Variants in PAPPA2 observed in about 807,000 individuals in gnomAD.
PAPPA2 encodes the protein pappalysin 2, also known as pappalysin-2.
A neutral mutation model predicts 176.4 loss-of-function variants in PAPPA2; 86 were observed. The ratio of observed to expected loss-of-function variants is 0.49; its 90% CI spans 0.41 to 0.58. PAPPA2 has a LOEUF of 0.58. Ranked by LOEUF, PAPPA2 falls within the 20% of genes least tolerant of loss-of-function variation. The pLI is 0.00. For missense variants in PAPPA2, 2,073 were observed against 2,256.9 expected (o/e 0.92, Z 1.65); for synonymous variants, 809 against 852.2 (o/e 0.95, Z 0.88).
chr1:176,517,351 G>A (rs1648973113), intron 1 of PAPPA2, among the ~76,000 whole-genome samples: 1 of 152,156 alleles, frequency 6.6e-6, no homozygotes, highest in Admixed American at 6.6e-5. Flanking sequence ...AAATGCACAG[G>A]CCTGCAGGCA....
intron 12 of PAPPA2, among the ~76,000 whole-genome samples, chr1:176,724,634 T>G (rs1322364335): frequency 1.3e-5 from 2 of 152,172 alleles, no homozygotes; most frequent in Admixed American, 1.3e-4. Context: ...CCTTGCTACA[T>G]AAAGCCCAAA....
chr1:176,724,149 A>G (rs1558543644), intron 12 of PAPPA2, among the ~76,000 whole-genome samples: 2 of 152,248 alleles, frequency 1.3e-5, no homozygotes, highest in South Asian at 2.1e-4. Context: ...CTGGTGACAG[A>G]CAGAAACATA....
intron 2 of PAPPA2, among the ~76,000 whole-genome samples, chr1:176,583,986 T>G (rs751694469): frequency 4.4e-4 from 67 of 152,132 alleles, no homozygotes; most frequent in Admixed American, 1.3e-4. Flanking sequence ...ACCCAGGGAG[T>G]TGAGGCTGTA....
At chr1:176,583,899 T>G (rs10913207) in intron 2 of PAPPA2, among the ~76,000 whole-genome samples, 21,506 of 152,078 alleles carry the variant, frequency 0.14, 1,578 homozygotes, top group Middle Eastern at 0.2. Flanking sequence ...CACTAAAAAT[T>G]AAAAAATTAG....
At chr1:176,491,173 C>T (rs2102493538) in intron 1 of PAPPA2, among the ~76,000 whole-genome samples, 1 of 152,350 alleles carries the variant, frequency 6.6e-6, no homozygotes, top group African/African-American at 2.4e-5. Context: ...GTGCCAGGCA[C>T]TATGGAAAGG....
rs1164649882 is a variant in PAPPA2, at chr1:176,844,381, A to G, written c.*1927A>G. The G allele has an allele frequency of 6.6e-6, 1 of 152,172 alleles. No individual in the cohort carries two copies. The highest frequency in any genetic ancestry group is 2.4e-5 in the African/African-American group (1 of 41,460). 9.4% of individuals were successfully genotyped at this position (152,172 alleles called of 1,614,324 possible). ...ATATTATCCACACTATCACGTAGGG[A>G]AGAACAATATCCTGAAAGAGAATAA... On this transcript the variant is annotated 3_prime_UTR_variant, in exon 23 of 23. Coordinates refer to ENST00000367662, the MANE Select transcript of PAPPA2 (RefSeq NM_020318.3).
At chr1:176,769,548 A>G in intron 15 of PAPPA2, 59 bp from the exon 16 acceptor site, 1 of 1,530,840 alleles carries the variant, frequency 6.5e-7, no homozygotes, top group Non-Finnish European at 9.0e-7. Context: ...TAAAGCCTGG[A>G]AACTACTCTG....
chr1:176,548,643 G>T (rs184786452), intron 1 of PAPPA2, among the ~76,000 whole-genome samples: 3 of 152,126 alleles, frequency 2.0e-5, no homozygotes, highest in Non-Finnish European at 4.4e-5. Flanking sequence ...TTTTCCAGGC[G>T]AATGAACTTA....
intron 21 of PAPPA2, among the ~76,000 whole-genome samples, chr1:176,819,353 G>A (rs1216966030): frequency 6.6e-6 from 1 of 152,104 alleles, no homozygotes; most frequent in Non-Finnish European, 1.5e-5. Flanking sequence ...CCTATGGTTA[G>A]CATCACTCTG....
chr1:176,584,401 GTT>G (rs71565476), intron 2 of PAPPA2, among the ~76,000 whole-genome samples: 1 of 143,472 alleles, frequency 7.0e-6, no homozygotes, highest in African/African-American at 2.6e-5. Flanking sequence ...ATGCATTTTT[GTT>G]TTTTTTTTTA....
intron 10 of PAPPA2, among the ~76,000 whole-genome samples, chr1:176,707,153 T>G (rs944599302): frequency 6.6e-6 from 1 of 152,238 alleles, no homozygotes; most frequent in Non-Finnish European, 1.5e-5. Context: ...TGCAATGATT[T>G]GGTAGAGGAT....
intron 3 of PAPPA2, among the ~76,000 whole-genome samples, chr1:176,640,414 T>C (rs1379817344): frequency 6.9e-6 from 1 of 144,602 alleles, no homozygotes; most frequent in East Asian, 2.1e-4. Context: ...CATTGTTCAA[T>C]TCCCACCTAT....
chr1:176,525,606 T>C (rs1197924314), intron 1 of PAPPA2, among the ~76,000 whole-genome samples: 1 of 152,088 alleles, frequency 6.6e-6, no homozygotes, highest in Non-Finnish European at 1.5e-5. Context: ...ATTTTGAAAA[T>C]TTCCTCAGAC....
intron 2 of PAPPA2, among the ~76,000 whole-genome samples, chr1:176,581,427 T>C (rs1303036624): frequency 1.3e-5 from 2 of 152,160 alleles, no homozygotes; most frequent in Non-Finnish European, 2.9e-5. Flanking sequence ...TTGCTCGGGA[T>C]TGTGTTGGCT....
chr1:176,528,466 C>T (rs1431022469), intron 1 of PAPPA2, among the ~76,000 whole-genome samples: 1 of 152,164 alleles, frequency 6.6e-6, no homozygotes, highest in Non-Finnish European at 1.5e-5. Context: ...CCCAAAGGCC[C>T]ACAGCTAAAT....
At chr1:176,740,397 CT>C (rs1164887748) in intron 14 of PAPPA2, among the ~76,000 whole-genome samples, 1 of 152,220 alleles carries the variant, frequency 6.6e-6, no homozygotes, top group East Asian at 1.9e-4. Flanking sequence ...TTCTTCTTTC[CT>C]TAGCTGACCA....
intron 2 of PAPPA2, among the ~76,000 whole-genome samples, chr1:176,565,703 TA>T (rs1651931102): frequency 1.3e-5 from 2 of 152,130 alleles, no homozygotes; most frequent in South Asian, 4.1e-4. Context: ...CTCAATAAAA[TA>T]AAATGGGCTT....
intron 1 of PAPPA2, among the ~76,000 whole-genome samples, chr1:176,480,502 C>G (rs1373915448): frequency 6.6e-6 from 1 of 152,152 alleles, no homozygotes; most frequent in Admixed American, 6.5e-5. Context: ...TTCCACCCCA[C>G]CTTAAGGGAA....
intron 18 of PAPPA2, among the ~76,000 whole-genome samples, 170 bp from the exon 19 acceptor site, chr1:176,791,173 ATTTT>A (rs57185368): frequency 2.2e-4 from 18 of 80,876 alleles, no homozygotes; most frequent in African/African-American, 8.4e-4. Context: ...AAAGCAAAGA[ATTTT>A]TTTTTTTTTT....
Sources: gnomAD v4.1 joint callset for allele counts (sites outside exome capture counted in the v4.1 genomes callset) on GRCh38, gnomAD v4.1.1 for gene constraint, MANE v1.5 for transcripts, NCBI Gene and HGNC (gene_info 2026-07-23, HGNC 2026-07-21) for gene names.